WRAP53: variants seen among roughly 807,000 people sequenced by gnomAD.
WRAP53 encodes WD repeat containing antisense to TP53.
WRAP53 carries 28 observed loss-of-function variants against 56.6 expected under a neutral mutation model. The observed-to-expected ratio is 0.50, with a 90% CI of 0.37 to 0.68. WRAP53 has a LOEUF of 0.68. WRAP53 is among the 30% of genes least tolerant of loss of function. WRAP53 has a pLI of 0.00. For missense variants in WRAP53, 671 were observed against 715.5 expected (o/e 0.94, Z 0.71); for synonymous variants, 283 against 283.4 (o/e 1.00, Z 0.01).
In WRAP53 at chr17:7,689,635, C is replaced by T. The variant is rs1281629590; in HGVS notation, c.576C>T (p.Ile192=). The T allele has an allele frequency of 6.2e-7, 1 of 1,614,142 alleles. No individual in the cohort carries two copies. Among genetic ancestry groups the T allele is most frequent in the South Asian group, 1.1e-5 (1 of 91,078 alleles). The change falls in exon 4 of 11, where the codon ATC becomes ATT. Residue 192 remains isoleucine, a synonymous_variant. Coordinates refer to ENST00000396463, the MANE Select transcript of WRAP53 (RefSeq NM_001143992.2). Reference sequence around the variant, plus strand: ...TCTTGACCAATAGTGCTGATAACATCTTGCGAATTTATAACCTGCCCCCAG... The same window carrying T: ...TCTTGACCAATAGTGCTGATAACATTTTGCGAATTTATAACCTGCCCCCAG... ...SCILTNSADN[I]LRIYNLPPEL...
chr17:7,691,680 G>T (rs1238751829), intron 4 of WRAP53, among the ~76,000 whole-genome samples: 2 of 151,774 alleles, frequency 1.3e-5, no homozygotes, highest in Non-Finnish European at 2.9e-5. Flanking sequence ...ATGAGCCACC[G>T]CGCCTGGCTT....
In WRAP53 at chr17:7,689,656, C is replaced by T; in HGVS notation, c.597C>T (p.Pro199=). ...ACATCTTGCGAATTTATAACCTGCC[C>T]CCAGAGCTGTACCATGAGGGGGAGC... is the stretch of plus-strand genomic sequence containing the variant. ...ADNILRIYNL[P]PELYHEGEQV... Residue 199 remains proline, a synonymous_variant, in exon 4 of 11, where the codon CCC becomes CCT. Coordinates refer to ENST00000396463, the MANE Select transcript of WRAP53 (RefSeq NM_001143992.2). 1.9e-6 allele frequency: 3 copies of T among 1,614,148 alleles called. No homozygotes were observed. Among genetic ancestry groups the T allele is most frequent in the Non-Finnish European group, 2.5e-6 (3 of 1,180,022 alleles).
intron 4 of WRAP53, among the ~76,000 whole-genome samples, chr17:7,696,290 A>ATTTTTTT (rs35901058): frequency 6.3e-5 from 5 of 79,924 alleles, no homozygotes; most frequent in African/African-American, 2.2e-4. Flanking sequence ...GGACTCAGAG[A>ATTTTTTT]TTTTTTTTTT....
chr17:7,701,769 G>T lies in WRAP53; in HGVS notation c.935G>T (p.Cys312Phe). 6.2e-7 allele frequency: 1 copy of T among 1,613,892 alleles called. No individual in the cohort carries two copies. The highest frequency in any genetic ancestry group is 1.3e-5 in the African/African-American group (1 of 75,070). ...TCCACGGCCCGGCCTGGCCGAGACTGCGAGGTCCGAGCCACATTTGGTAAG... is the reference window on the plus strand; with the variant it reads ...TCCACGGCCCGGCCTGGCCGAGACTTCGAGGTCCGAGCCACATTTGGTAAG... ...VFSTARPGRD[C>F]EVRATFAKKQ... is the part of the protein sequence containing the mutation. Residue 312 changes from cysteine (C) to phenylalanine (F), a missense_variant, in exon 7 of 11, where the codon TGC becomes TTC. This residue lies in a region of WRAP53 where 406 missense variants were observed against 418.5 expected (regional missense o/e 0.97). Transcript: ENST00000396463. The surrounding 1 kb of genome is among the most constrained non-coding windows in gnomAD (Gnocchi z 4.2).
At position 7,703,080 on chromosome 17, in the gene WRAP53, G is replaced by C; in HGVS notation, c.1356G>C (p.Glu452Asp). 3 of 1,614,132 alleles carry C rather than the reference G, an allele frequency of 1.9e-6. No individual in the cohort carries two copies. Among genetic ancestry groups the C allele is most frequent in the East Asian group, 2.2e-5 (1 of 44,880 alleles). ...GGCCTGGCAATGATGGGAAGCCGGAGCCCGTGTTGAGTTTTCTGCCCCAGA... is the reference window on the plus strand; with the variant it reads ...GGCCTGGCAATGATGGGAAGCCGGACCCCGTGTTGAGTTTTCTGCCCCAGA... ...TDGPGNDGKPEPVLSFLPQKD... is the reference protein window; with the variant it reads ...TDGPGNDGKPDPVLSFLPQKD... Residue 452 changes from glutamate to aspartate, a missense_variant, in exon 10 of 11, where the codon GAG becomes GAC. By Grantham distance (45) the Glu-to-Asp change is conservative. This residue lies in a region of WRAP53 where 158 missense variants were observed against 215.7 expected (regional missense o/e 0.73). Coordinates refer to ENST00000396463, the MANE Select transcript of WRAP53 (RefSeq NM_001143992.2).
upstream of WRAP53, chr17:7,687,719 CT>C (rs542205900): frequency 9.8e-4 from 389 of 397,754 alleles, 1 homozygote; most frequent in Admixed American, 1.8e-3. Context: ...GTGGAAAATT[CT>C]GCAAGCCAGA....
At chr17:7,694,691 A>G (rs2074159210) in intron 4 of WRAP53, among the ~76,000 whole-genome samples, 1 of 152,042 alleles carries the variant, frequency 6.6e-6, no homozygotes, top group African/African-American at 2.4e-5. Flanking sequence ...GTCTCTATCA[A>G]AAAAGTTGGG....
At chr17:7,688,620 G>A in intron 1 of WRAP53, 28 bp from the exon 2 acceptor site, 1 of 1,613,446 alleles carries the variant, frequency 6.2e-7, no homozygotes, top group Non-Finnish European at 8.5e-7. Flanking sequence ...CCTGGCTGAG[G>A]CTAATCTCCG....
rs1431903108 is a variant in WRAP53, at chr17:7,688,899, G to C, written c.251G>C (p.Gly84Ala). ...SLSTPLETEF[G>A]SPSELSPRIE... Reference sequence around the variant, plus strand: ...TCCACTCCCCTGGAAACAGAGTTTGGTTCCCCTAGTGAGTTGAGTCCTCGA... The same window carrying C: ...TCCACTCCCCTGGAAACAGAGTTTGCTTCCCCTAGTGAGTTGAGTCCTCGA... The change falls in exon 2 of 11, where the codon GGT becomes GCT. Residue 84 changes from glycine (G) to alanine (A), a missense_variant. Coordinates refer to ENST00000396463, the MANE Select transcript of WRAP53 (RefSeq NM_001143992.2). The C allele has an allele frequency of 6.2e-7, 1 of 1,614,168 alleles. No individual in the cohort carries two copies. The highest frequency in any genetic ancestry group is 8.5e-7 in the Non-Finnish European group (1 of 1,180,036).
intron 4 of WRAP53, among the ~76,000 whole-genome samples, chr17:7,691,519 A>C (rs1436098376): frequency 6.6e-6 from 1 of 150,720 alleles, no homozygotes; most frequent in East Asian, 2.0e-4. Context: ...CCTCCCGAGT[A>C]GCTGGGATTA....
chr17:7,702,033 C>A lies in WRAP53; in HGVS notation c.955+244C>A. The A allele has an allele frequency of 1.3e-6, 1 of 746,854 alleles. No individual in the cohort carries two copies. The highest frequency in any genetic ancestry group is 2.3e-6 in the Non-Finnish European group (1 of 429,116). The allele number at this position is 746,854 out of a possible 1,614,324, so 46.3% of individuals were successfully genotyped here. A position where few individuals can be genotyped will look rare whatever the true frequency, so the allele number is the denominator to read the frequency against. On this transcript the variant is annotated intron_variant, in intron 7 of 10. Coordinates refer to ENST00000396463, the MANE Select transcript of WRAP53 (RefSeq NM_001143992.2). This position sits in a 1 kb window ranked among gnomAD's most constrained non-coding sequence, Gnocchi z 5.0. ...AACTCATACCCTGTCAGCTGTGGAGCTTTTGGTCTCTGAAATCTTTCTAGA... is the reference window on the plus strand; with the variant it reads ...AACTCATACCCTGTCAGCTGTGGAGATTTTGGTCTCTGAAATCTTTCTAGA...
intron 4 of WRAP53, among the ~76,000 whole-genome samples, chr17:7,691,132 C>T (rs2074101861): frequency 6.7e-6 from 1 of 150,150 alleles, no homozygotes; most frequent in Non-Finnish European, 1.5e-5. Flanking sequence ...TCATTTGAAC[C>T]CAGGAGATGG....
Position 7,688,881 on chromosome 17 carries a change from C to CCCTGGAAA in WRAP53, c.235_242dup (p.Glu82TrpfsTer11). ...GGGGACCCAGTTTCTCTCTCCACTC[C>CCCTGGAAA]CCTGGAAACAGAGTTTGGTTCCCCT... On this transcript the variant is annotated frameshift_variant, in exon 2 of 11. Coordinates refer to ENST00000396463, the MANE Select transcript of WRAP53 (RefSeq NM_001143992.2). LOFTEE classifies it high-confidence loss of function. 1 of 1,614,194 alleles carries CCCTGGAAA rather than the reference C, an allele frequency of 6.2e-7. No individual in the cohort carries two copies. Among genetic ancestry groups the CCCTGGAAA allele is most frequent in the Non-Finnish European group, 8.5e-7 (1 of 1,180,048 alleles).
At chr17:7,694,008 C>A (rs1387729905) in intron 4 of WRAP53, among the ~76,000 whole-genome samples, 4 of 151,442 alleles carry the variant, frequency 2.6e-5, no homozygotes, top group Non-Finnish European at 5.9e-5. Context: ...CAGGGTCAGG[C>A]CTGGTGGCTC....
upstream of WRAP53, chr17:7,687,501 CTT>C (rs2074028584): frequency 2.5e-6 from 1 of 398,700 alleles, no homozygotes. Context: ...AAGCTCAAAA[CTT>C]TTAGCGCCAG....
chr17:7,690,010 G>A (rs1224863631), intron 4 of WRAP53, among the ~76,000 whole-genome samples: 1 of 152,186 alleles, frequency 6.6e-6, no homozygotes, highest in African/African-American at 2.4e-5. Flanking sequence ...GTGCTGTGGT[G>A]TGATCTCGGC....
chr17:7,687,471 G>A (rs2074027750), upstream of WRAP53: 1 of 398,650 alleles, frequency 2.5e-6, no homozygotes. Context: ...CTCCCTGGAC[G>A]GTGGCTCTAG....
At position 7,701,577 on chromosome 17, in the gene WRAP53, A is replaced by G; in HGVS notation, c.822+28A>G. 5 of 1,614,112 alleles carry G rather than the reference A, an allele frequency of 3.1e-6. No individual in the cohort carries two copies. The highest frequency in any genetic ancestry group is 4.2e-6 in the Non-Finnish European group (5 of 1,180,020). On this transcript the variant is annotated intron_variant, in intron 6 of 10. Transcript: ENST00000396463. The surrounding 1 kb of genome is among the most constrained non-coding windows in gnomAD (Gnocchi z 4.2). ...AGGGACCGCCATACTCAGCCCCAGC[A>G]CTCGTACTGGCCCGGCTCTCCTTCC...
At chr17:7,696,974 A>G (rs954449859) in intron 4 of WRAP53, among the ~76,000 whole-genome samples, 1 of 152,226 alleles carries the variant, frequency 6.6e-6, no homozygotes, top group Non-Finnish European at 1.5e-5. Flanking sequence ...CCTGAGGCCC[A>G]GAAGACAACT....
Sources: allele counts gnomAD v4.1 joint callset (sites outside exome capture counted in the v4.1 genomes callset), GRCh38; gene constraint gnomAD v4.1.1; regional missense constraint gnomAD v4.1.1; non-coding constraint Gnocchi (gnomAD v3.1); transcripts MANE v1.5; gene names NCBI Gene and HGNC (gene_info 2026-07-23, HGNC 2026-07-21).